Variants in MUSK observed in about 807,000 individuals in gnomAD.
MUSK encodes muscle associated receptor tyrosine kinase.
Under a neutral mutation model 88.7 loss-of-function variants are expected in MUSK, and 55 were observed. That is an observed-to-expected ratio of 0.62 (90% CI 0.50 to 0.78). MUSK has a LOEUF of 0.78. Among genes scored for constraint, MUSK ranks in the 30% least tolerant of loss-of-function variants. The pLI, the probability that MUSK is intolerant of heterozygous loss-of-function variation, is 0.00. For missense variants in MUSK, 1,015 were observed against 1,074.3 expected, an observed-to-expected ratio of 0.94 and a Z score of 0.77; for synonymous variants, 387 against 391.9, an observed-to-expected ratio of 0.99 and a Z score of 0.15.
chr9:110,699,633 A>T (rs534484746), intron 5 of MUSK, among the ~76,000 whole-genome samples: 85 of 151,834 alleles, frequency 5.6e-4, no homozygotes, highest in African/African-American at 1.6e-3. Flanking sequence ...GTTTTTTTTT[A>T]AAAAAAAGCA....
Position 110,785,630 on chromosome 9 carries a change from A to C in MUSK, c.1690A>C (p.Lys564Gln). The change falls in exon 13 of 15, where the codon AAA (lysine) becomes CAA (glutamine). Residue 564 changes from lysine (K) to glutamine (Q), a missense_variant. Transcript: ENST00000374448. ...GAGGATGCCGCTCCTTCTGAACCCC[A>C]AATTGCTCAGCCTGGAGTATCCAAG... ...YQRMPLLLNP[K>Q]LLSLEYPRNN... 6.2e-7 allele frequency: 1 copy of C among 1,613,398 alleles called. No individual in the cohort carries two copies. Among genetic ancestry groups the C allele is most frequent in the Non-Finnish European group, 8.5e-7 (1 of 1,179,612 alleles).
intron 1 of MUSK, among the ~76,000 whole-genome samples, chr9:110,674,200 G>T (rs938243015): frequency 2.0e-5 from 3 of 152,026 alleles, no homozygotes; most frequent in Non-Finnish European, 4.4e-5. Flanking sequence ...GCACTGAGTT[G>T]GGAAATAGCA....
intron 5 of MUSK, among the ~76,000 whole-genome samples, chr9:110,725,194 A>G (rs1312313073): frequency 4.6e-5 from 7 of 152,030 alleles, no homozygotes; most frequent in Admixed American, 4.6e-4. Flanking sequence ...CATAAGTGGG[A>G]GCTAAGATAA....
chr9:110,693,228 G>T (rs1024237875), intron 3 of MUSK, among the ~76,000 whole-genome samples: 2 of 152,072 alleles, frequency 1.3e-5, no homozygotes, highest in African/African-American at 2.4e-5. Context: ...TGGCCCAATT[G>T]TTCTTGATTT....
chr9:110,690,017 AAT>A (rs577902792), intron 3 of MUSK, among the ~76,000 whole-genome samples: 1,827 of 93,730 alleles, frequency 0.019, 96 homozygotes, highest in African/African-American at 0.08. Context: ...ATAAATATAT[AAT>A]ATATATTATA....
intron 11 of MUSK, among the ~76,000 whole-genome samples, chr9:110,781,008 G>T (rs977842340): frequency 6.6e-6 from 1 of 150,874 alleles, no homozygotes; most frequent in Non-Finnish European, 1.5e-5. Flanking sequence ...TTGCTGCAGG[G>T]CATAGTCCAA....
chr9:110,695,545 T>C lies in MUSK; in HGVS notation c.486+15T>C, dbSNP rs369902312. The C allele has an allele frequency of 6.2e-5, 94 of 1,525,530 alleles. No individual in the cohort carries two copies. The highest frequency in any genetic ancestry group is 7.4e-5 in the Non-Finnish European group (84 of 1,130,870). The allele number at this position is 1,525,530 out of a possible 1,614,324, so 94.5% of individuals were successfully genotyped here. A position where few individuals can be genotyped will look rare whatever the true frequency, so the allele number is the denominator to read the frequency against. On this transcript the variant is annotated intron_variant, in intron 4 of 14. Transcript: ENST00000374448. ...GCCCTCTCAGGGTAAGTGGTTATGA[T>C]GTTAAAACACATATATAAAATGTAT...
In MUSK at chr9:110,787,809, T is replaced by C. The variant is rs1161007370; in HGVS notation, c.1898T>C (p.Phe633Ser). The stretch of plus-strand genomic sequence containing the variant: ...AGGGAGGCAGCCCTCATGGCAGAAT[T>C]TGACAACCCTAACATTGTGAAGCTA... ...FQREAALMAE[F>S]DNPNIVKLLG... Residue 633 changes from phenylalanine to serine, a missense_variant, in exon 14 of 15, where the codon TTT becomes TCT. Transcript: ENST00000374448. 5.6e-6 allele frequency: 9 copies of C among 1,613,252 alleles called. No individual in the cohort carries two copies. Among genetic ancestry groups the C allele is most frequent in the Non-Finnish European group, 6.8e-6 (8 of 1,179,530 alleles).
At position 110,785,693 on chromosome 9, in the gene MUSK, G is replaced by T; in HGVS notation, c.1753G>T (p.Ala585Ser). ...IEYVRDIGEGAFGRVFQARAP... is the reference protein window; with the variant it reads ...IEYVRDIGEGSFGRVFQARAP... ...ATATGTGAGAGACATCGGAGAGGGA[G>T]CGTTTGGAAGGGTGTTTCAAGCAAG... is the stretch of plus-strand genomic sequence containing the variant. Residue 585 changes from alanine to serine, a missense_variant, in exon 13 of 15, where the codon GCG (alanine) becomes TCG (serine). Coordinates refer to ENST00000374448, the MANE Select transcript of MUSK (RefSeq NM_005592.4). 6.2e-7 allele frequency: 1 copy of T among 1,606,520 alleles called. No individual in the cohort carries two copies. Among genetic ancestry groups the T allele is most frequent in the African/African-American group, 1.3e-5 (1 of 74,882 alleles).
In MUSK at chr9:110,718,865, A is replaced by G. The variant is rs775545592; in HGVS notation, c.629-15386A>G. On this transcript the variant is annotated intron_variant, in intron 5 of 14. Coordinates refer to ENST00000374448, the MANE Select transcript of MUSK (RefSeq NM_005592.4). ...TCAGGCATCTTATAAAGGAAAATCT[A>G]TCAGAGTAACAGCAGATTTCTCAGC... is the stretch of plus-strand genomic sequence containing the variant. Among the ~76,000 whole-genome samples the G allele has an allele frequency of 8.1e-4, 123 of 152,142 alleles. 6 individuals are homozygous for G. Among genetic ancestry groups the G allele is most frequent in the Non-Finnish European group, 8.8e-5 (6 of 68,016 alleles).
chr9:110,802,207 TG>T lies in MUSK; in HGVS notation c.*1220del, dbSNP rs1450673097. On this transcript the variant is annotated 3_prime_UTR_variant, in exon 15 of 15. Transcript: ENST00000374448. ...TTGTGCATGACATATTAACTGATTT[TG>T]TTGTATTTCATGATTTAAAAAAAAA... 6.6e-6 allele frequency among the ~76,000 whole-genome samples: 1 copy of T among 152,136 alleles called. No individual in the cohort carries two copies. The highest frequency in any genetic ancestry group is 2.4e-5 in the African/African-American group (1 of 41,430).
intron 1 of MUSK, among the ~76,000 whole-genome samples, chr9:110,677,106 C>A (rs1279155667): frequency 6.6e-6 from 1 of 152,160 alleles, no homozygotes; most frequent in East Asian, 1.9e-4. Context: ...CTATTTCCCT[C>A]AATTATCTCC....
intron 11 of MUSK, among the ~76,000 whole-genome samples, chr9:110,779,211 G>A (rs1469674532): frequency 1.3e-5 from 2 of 152,012 alleles, no homozygotes; most frequent in African/African-American, 4.8e-5. Context: ...TTAATCTAAA[G>A]TCTCCCACAA....
chr9:110,712,431 A>T (rs2076683944), intron 5 of MUSK, among the ~76,000 whole-genome samples: 1 of 152,124 alleles, frequency 6.6e-6, no homozygotes, highest in Admixed American at 6.5e-5. Flanking sequence ...ATCTCTATGG[A>T]AAGAGAAAGA....
At chr9:110,705,548 A>G (rs1427727916) in intron 5 of MUSK, among the ~76,000 whole-genome samples, 1 of 152,220 alleles carries the variant, frequency 6.6e-6, no homozygotes, top group Non-Finnish European at 1.5e-5. Flanking sequence ...ATGATTTTAT[A>G]GTCTGGAATA....
Position 110,690,122 on chromosome 9 carries a change from A to AAG in MUSK, c.358+2854_358+2855insAG, listed in dbSNP as rs1363634371. Among the ~76,000 whole-genome samples, 907 of 94,678 alleles carry AAG rather than the reference A, an allele frequency of 9.6e-3. 7 individuals are homozygous for AAG. Among genetic ancestry groups the AAG allele is most frequent in the Middle Eastern group, 0.027 (2 of 74 alleles). 62.1% of individuals were successfully genotyped at this position (94,678 alleles called of 152,430 possible). On this transcript the variant is annotated intron_variant, in intron 3 of 14. Coordinates refer to ENST00000374448, the MANE Select transcript of MUSK (RefSeq NM_005592.4). ...AAGTATAAATATAGAAATATATATT[A>AAG]TATAAGTATAAATATAGAAATATAT...
chr9:110,747,149 A>G (rs888413403), intron 6 of MUSK, among the ~76,000 whole-genome samples: 4 of 152,212 alleles, frequency 2.6e-5, no homozygotes, highest in Non-Finnish European at 5.9e-5. Flanking sequence ...GCTGCTGGGC[A>G]GGACTGCCTG....
intron 14 of MUSK, among the ~76,000 whole-genome samples, chr9:110,789,957 A>C (rs1440574125): frequency 7.2e-5 from 11 of 152,146 alleles, no homozygotes; most frequent in African/African-American, 2.7e-4. Flanking sequence ...TGAGTAAGAC[A>C]CCTAAGTATG....
At chr9:110,761,149 G>T (rs1427388172) in intron 7 of MUSK, among the ~76,000 whole-genome samples, 1 of 152,184 alleles carries the variant, frequency 6.6e-6, no homozygotes, top group African/African-American at 2.4e-5. Context: ...AGAAATGCTG[G>T]TTATATCACA....
Sources: allele counts gnomAD v4.1 joint callset (sites outside exome capture counted in the v4.1 genomes callset), GRCh38; gene constraint gnomAD v4.1.1; transcripts MANE v1.5; gene names NCBI Gene and HGNC (gene_info 2026-07-23, HGNC 2026-07-21).